KHDRBS2: variants seen among roughly 807,000 people sequenced by gnomAD.
KHDRBS2 encodes KH RNA binding domain containing, signal transduction associated 2.
Under a neutral mutation model 44.3 loss-of-function variants are expected in KHDRBS2, and 26 were observed. The observed-to-expected ratio is 0.59, with a 90% CI of 0.43 to 0.81. KHDRBS2 has a LOEUF of 0.81. Ranked by LOEUF, KHDRBS2 falls within the 40% of genes least tolerant of loss-of-function variation. KHDRBS2 has a pLI of 0.00. For synonymous variants in KHDRBS2, 194 were observed against 151.1 expected (o/e 1.28, Z -2.08); for missense variants, 476 against 433.1 (o/e 1.10, Z -0.88).
In KHDRBS2 at chr6:62,023,743, A is replaced by G. The variant is rs570551309; in HGVS notation, c.336+24135T>C. ...GAACTAAATTTTCAGTCAGCAAATT[A>G]TATGTAATATGAAAGAATTTAGAGT... On this transcript the variant is annotated intron_variant, in intron 3 of 8. Coordinates refer to ENST00000281156, the MANE Select transcript of KHDRBS2 (RefSeq NM_152688.4). Among the ~76,000 whole-genome samples the G allele has an allele frequency of 2.6e-5, 4 of 151,588 alleles. No individual in the cohort carries two copies. The East Asian group carries it at 7.7e-4, about 29-fold the overall frequency.
At chr6:62,155,656 C>A (rs1475996578) in intron 2 of KHDRBS2, among the ~76,000 whole-genome samples, 1 of 152,198 alleles carries the variant, frequency 6.6e-6, no homozygotes, top group African/African-American at 2.4e-5. Context: ...TATTCAACTT[C>A]ATTGCTAAAC....
intron 6 of KHDRBS2, among the ~76,000 whole-genome samples, chr6:61,817,448 T>C (rs1287636148): frequency 6.6e-6 from 1 of 152,152 alleles, no homozygotes; most frequent in Non-Finnish European, 1.5e-5. Flanking sequence ...ATACTCACAG[T>C]GTGCTACATA....
At chr6:62,024,446 T>C (rs1189621038) in intron 3 of KHDRBS2, among the ~76,000 whole-genome samples, 4 of 151,594 alleles carry the variant, frequency 2.6e-5, no homozygotes, top group Admixed American at 1.3e-4. Flanking sequence ...TTTAAACATA[T>C]ATATTTTTGA....
intron 6 of KHDRBS2, among the ~76,000 whole-genome samples, chr6:61,795,005 G>C (rs376083615): frequency 4.6e-4 from 70 of 151,878 alleles, no homozygotes; most frequent in African/African-American, 1.4e-3. Flanking sequence ...TGGGCATGGT[G>C]GTGGATACCT....
intron 6 of KHDRBS2, among the ~76,000 whole-genome samples, chr6:61,806,149 A>C (rs1028020930): frequency 5.9e-5 from 9 of 152,174 alleles, no homozygotes; most frequent in Non-Finnish European, 1.3e-4. Flanking sequence ...TGTGGTCTAC[A>C]TTCTCCTTTT....
At chr6:62,280,988 A>G (rs1318102444) in intron 1 of KHDRBS2, among the ~76,000 whole-genome samples, 1 of 152,194 alleles carries the variant, frequency 6.6e-6, no homozygotes, top group Non-Finnish European at 1.5e-5. Flanking sequence ...ATTTCCTCCA[A>G]TAAAACAGAT....
At chr6:61,770,624 G>C (rs1211181606) in intron 6 of KHDRBS2, among the ~76,000 whole-genome samples, 1 of 152,154 alleles carries the variant, frequency 6.6e-6, no homozygotes, top group East Asian at 1.9e-4. Flanking sequence ...AGTGAGAAGA[G>C]AAGTTTAGGG....
At chr6:62,275,945 C>G (rs1840869249) in intron 1 of KHDRBS2, among the ~76,000 whole-genome samples, 1 of 152,238 alleles carries the variant, frequency 6.6e-6, no homozygotes, top group East Asian at 1.9e-4. Context: ...AAAAAAGCAG[C>G]CATTACTTGA....
At chr6:61,806,210 T>C (rs948699853) in intron 6 of KHDRBS2, among the ~76,000 whole-genome samples, 3 of 152,160 alleles carry the variant, frequency 2.0e-5, no homozygotes, top group African/African-American at 7.2e-5. Context: ...ATTGAAAGTT[T>C]CAAGTCTAGA....
chr6:62,071,744 C>A (rs528271462), intron 2 of KHDRBS2, among the ~76,000 whole-genome samples: 2 of 152,224 alleles, frequency 1.3e-5, no homozygotes, highest in Non-Finnish European at 2.9e-5. Context: ...GTTACTGTAG[C>A]CTTGTAGTAT....
At chr6:61,601,375 A>T in the KHDRBS2 span, among the ~76,000 whole-genome samples, 38 of 152,088 alleles carry the variant, frequency 2.5e-4, no homozygotes, top group Non-Finnish European at 1.0e-4. Context: ...GTTCTCAAGA[A>T]CTTAAAACCT....
chr6:61,557,787 G>A, the KHDRBS2 span, among the ~76,000 whole-genome samples: 1 of 152,130 alleles, frequency 6.6e-6, no homozygotes, highest in Non-Finnish European at 1.5e-5. Flanking sequence ...CCTTTGCAGA[G>A]AGACTTTTTA....
chr6:61,651,612 G>T, the KHDRBS2 span, among the ~76,000 whole-genome samples: 1 of 151,992 alleles, frequency 6.6e-6, no homozygotes, highest in Non-Finnish European at 1.5e-5. Context: ...AAAAACAGAG[G>T]CAAAGTAAGA....
intron 1 of KHDRBS2, among the ~76,000 whole-genome samples, chr6:62,224,342 C>T (rs553039171): frequency 1.3e-5 from 2 of 152,248 alleles, no homozygotes; most frequent in African/African-American, 4.8e-5. Flanking sequence ...CCAGATCCCT[C>T]CCAAAACATG....
At chr6:62,078,458 A>T (rs1287042739) in intron 2 of KHDRBS2, among the ~76,000 whole-genome samples, 1 of 151,942 alleles carries the variant, frequency 6.6e-6, no homozygotes, top group East Asian at 1.9e-4. Context: ...TATAGTACAA[A>T]AATGTTATGA....
chr6:61,574,646 C>A, the KHDRBS2 span, among the ~76,000 whole-genome samples: 1 of 152,146 alleles, frequency 6.6e-6, no homozygotes, highest in Non-Finnish European at 1.5e-5. Flanking sequence ...TAGCTCATGC[C>A]TGTAATCCCA....
the KHDRBS2 span, among the ~76,000 whole-genome samples, chr6:61,566,817 C>T: frequency 6.6e-6 from 1 of 152,114 alleles, no homozygotes; most frequent in African/African-American, 2.4e-5. Flanking sequence ...ACACTCACTT[C>T]TTAGAGTATG....
chr6:61,720,398 T>G (rs1479382347), intron 7 of KHDRBS2, among the ~76,000 whole-genome samples: 1 of 152,080 alleles, frequency 6.6e-6, no homozygotes, highest in Non-Finnish European at 1.5e-5. Flanking sequence ...CCACCAACAG[T>G]GTAAAAGTGT....
At chr6:61,565,998 G>GGTGT in the KHDRBS2 span, among the ~76,000 whole-genome samples, 4,786 of 148,938 alleles carry the variant, frequency 0.032, 83 homozygotes, top group Middle Eastern at 0.087. Flanking sequence ...AAGAAAATGT[G>GGTGT]GTGTGTGTGT....
Sources: gnomAD v4.1 joint callset for allele counts (sites outside exome capture counted in the v4.1 genomes callset) on GRCh38, gnomAD v4.1.1 for gene constraint, MANE v1.5 for transcripts, NCBI Gene and HGNC (gene_info 2026-07-23, HGNC 2026-07-21) for gene names.